TDRD6: variants seen among roughly 807,000 people sequenced by gnomAD.
The protein encoded by TDRD6 is tudor domain containing 6, also known as tudor domain-containing protein 6.
TDRD6 carries 186 observed loss-of-function variants against 157.5 expected under a neutral mutation model. That is an observed-to-expected ratio of 1.18 (90% confidence interval 1.05 to 1.33). The LOEUF (loss-of-function observed/expected upper bound fraction) is 1.33. Among genes scored for constraint, TDRD6 ranks in the 40% most tolerant of loss-of-function variants. TDRD6 has a pLI of 0.00. For synonymous variants in TDRD6, 1,075 were observed against 945.2 expected (o/e 1.14, Z -2.52); for missense variants, 3,066 against 2,508.0 (o/e 1.22, Z -4.75).
chr6:46,700,718 T>C (rs1473452264), intron 3 of TDRD6, among the ~76,000 whole-genome samples: 1 of 152,130 alleles, frequency 6.6e-6, no homozygotes, highest in Non-Finnish European at 1.5e-5. Context: ...CCTTCACCAA[T>C]TACCAGAGTT....
In TDRD6 at chr6:46,688,109, G is replaced by GGCCGC. The variant is rs1764156567; in HGVS notation, c.-10_-6dup. 3 of 1,474,144 alleles carry GGCCGC rather than the reference G, an allele frequency of 2.0e-6. No individual in the cohort carries two copies. The highest frequency in any genetic ancestry group is 1.3e-5 in the South Asian group (1 of 75,778). 91.3% of individuals were successfully genotyped at this position (1,474,144 alleles called of 1,614,324 possible). A position where few individuals can be genotyped will look rare whatever the true frequency, so the allele number is the denominator to read the frequency against. ...GCGGCCCTTAATTTCCGGAAGTGGGGGCCGCGCCGCGCCGTCAAGATGTGC... is the reference window on the plus strand; with the variant it reads ...GCGGCCCTTAATTTCCGGAAGTGGGGGCCGCGCCGCGCCGCGCCGTCAAGATGTGC... On this transcript the variant is annotated 5_prime_UTR_variant, in exon 1 of 4. Transcript: ENST00000316081.
chr6:46,687,884 C>A (rs540075518), upstream of TDRD6: 25 of 507,596 alleles, frequency 4.9e-5, no homozygotes, highest in African/African-American at 4.1e-4. Flanking sequence ...GAGGTAAATG[C>A]GTGCCCGGAA....
Position 46,693,177 on chromosome 6 carries a change from C to T in TDRD6, c.5049C>T (p.Asp1683=), listed in dbSNP as rs1764392863. Residue 1683 remains aspartate, a synonymous_variant, in exon 1 of 4, where the codon GAC becomes GAT. Transcript: ENST00000316081. Reference sequence around the variant, plus strand: ...GTGATATCCCTTTAGCAATTGTTGACTTGAAAAGCAAAGGTAAAAGTATTA... The same window carrying T: ...GTGATATCCCTTTAGCAATTGTTGATTTGAAAAGCAAAGGTAAAAGTATTA... ...DVCDIPLAIV[D]LKSKGKSINE... 1 of 1,608,560 alleles carries T rather than the reference C, an allele frequency of 6.2e-7. No homozygotes were observed. The highest frequency in any genetic ancestry group is 1.3e-5 in the African/African-American group (1 of 74,572).
At position 46,691,463 on chromosome 6, in the gene TDRD6, T is replaced by C; in HGVS notation, c.3335T>C (p.Val1112Ala). ...DIPDHIPEEV[V>A]VWFQETILDK... is the part of the protein sequence containing the mutation. Reference sequence around the variant, plus strand: ...CCTGATCATATACCAGAAGAAGTGGTGGTGTGGTTTCAGGAGACTATTTTA... The same window carrying C: ...CCTGATCATATACCAGAAGAAGTGGCGGTGTGGTTTCAGGAGACTATTTTA... Residue 1112 changes from valine (V) to alanine (A), a missense_variant, in exon 1 of 4, where the codon GTG becomes GCG. By Grantham distance (64) the Val-to-Ala change is moderately conservative. Transcript: ENST00000316081. The C allele has an allele frequency of 6.2e-7, 1 of 1,614,032 alleles. No individual in the cohort carries two copies. The highest frequency in any genetic ancestry group is 2.2e-5 in the East Asian group (1 of 44,856).
In TDRD6 at chr6:46,701,984, T is replaced by A. The variant is rs1427205119; in HGVS notation, c.*97T>A. ...AGAGTATTTGAGAAAATTGAAAACA[T>A]GTAACCACAAGAAGTTGTCATTTTC... is the stretch of plus-strand genomic sequence containing the variant. On this transcript the variant is annotated 3_prime_UTR_variant, in exon 4 of 4. Coordinates refer to ENST00000316081, the MANE Select transcript of TDRD6 (RefSeq NM_001010870.3). The A allele has an allele frequency of 1.0e-5, 14 of 1,406,416 alleles. No individual in the cohort carries two copies. The highest frequency in any genetic ancestry group is 1.4e-5 in the African/African-American group (1 of 69,324). The allele number at this position is 1,406,416 out of a possible 1,614,324, so 87.1% of individuals were successfully genotyped here.
At position 46,692,656 on chromosome 6, in the gene TDRD6, T is replaced by C. The variant is rs1764369085; in HGVS notation, c.4528T>C (p.Phe1510Leu). Residue 1510 changes from phenylalanine (F) to leucine (L), a missense_variant, in exon 1 of 4, where the codon TTT (phenylalanine) becomes CTT (leucine). Phe to Leu is a conservative substitution (Grantham distance 22, BLOSUM62 0). Transcript: ENST00000316081. ...VNKSDIDTSVFLNWYNPEKKM... is the reference protein window; with the variant it reads ...VNKSDIDTSVLLNWYNPEKKM... ...CAAATCAGACATTGACACTTCAGTA[T>C]TTCTTAACTGGTATAATCCAGAAAA... 6.2e-7 allele frequency: 1 copy of C among 1,613,460 alleles called. No homozygotes were observed. Among genetic ancestry groups the C allele is most frequent in the African/African-American group, 1.3e-5 (1 of 74,814 alleles).
In TDRD6 at chr6:46,693,833, A is replaced by G; in HGVS notation, c.5705A>G (p.Glu1902Gly). 6.2e-7 allele frequency: 1 copy of G among 1,614,224 alleles called. No homozygotes were observed. Among genetic ancestry groups the G allele is most frequent in the Non-Finnish European group, 8.5e-7 (1 of 1,180,036 alleles). The change falls in exon 1 of 4, where the codon GAG (glutamate) becomes GGG (glycine). Residue 1902 changes from glutamate (E) to glycine (G), a missense_variant. Transcript: ENST00000316081. ...CAGCTTCCTCTCAGCTGTGAAGCTGAGAAACAGCCAGAACTAGAACTACCT... is the reference window on the plus strand; with the variant it reads ...CAGCTTCCTCTCAGCTGTGAAGCTGGGAAACAGCCAGAACTAGAACTACCT... The part of the protein sequence containing the change: ...TLQLPLSCEA[E>G]KQPELELPTA...
At chr6:46,695,513 T>TA (rs1381832552) in intron 1 of TDRD6, among the ~76,000 whole-genome samples, 1 of 152,148 alleles carries the variant, frequency 6.6e-6, no homozygotes, top group Non-Finnish European at 1.5e-5. Context: ...GTTGTAAGTA[T>TA]AAAAAACACC....
Position 46,691,567 on chromosome 6 carries a change from C to A in TDRD6, c.3439C>A (p.Gln1147Lys). ...TATAGAACTATATGGTGACAATATT[C>A]AAATTAGTGCTAGTATTAATAAGAA... ...LIIELYGDNIQISASINKKLG... is the reference protein window; with the variant it reads ...LIIELYGDNIKISASINKKLG... The change falls in exon 1 of 4, where the codon CAA (glutamine) becomes AAA (lysine). Residue 1147 changes from glutamine (Q) to lysine (K), a missense_variant. By Grantham distance (53) the Gln-to-Lys change is moderately conservative. Transcript: ENST00000316081. The A allele has an allele frequency of 6.2e-7, 1 of 1,613,326 alleles. No homozygotes were observed. Among genetic ancestry groups the A allele is most frequent in the South Asian group, 1.1e-5 (1 of 90,996 alleles).
chr6:46,692,464 G>C lies in TDRD6; in HGVS notation c.4336G>C (p.Ala1446Pro). 1 of 1,613,886 alleles carries C rather than the reference G, an allele frequency of 6.2e-7. No homozygotes were observed. The highest frequency in any genetic ancestry group is 1.3e-5 in the African/African-American group (1 of 75,034). The stretch of plus-strand genomic sequence containing the variant: ...CTTTTCCCAACGGACCAGCGAGGCT[G>C]CAATAAGATGTGAATTTGTTAAATT... Reference protein sequence around the residue: ...HYFSQRTSEAAIRCEFVKFQD... With the variant: ...HYFSQRTSEAPIRCEFVKFQD... The change falls in exon 1 of 4, where the codon GCA becomes CCA. Residue 1446 changes from alanine to proline, a missense_variant. Ala to Pro is a conservative substitution (Grantham distance 27). Transcript: ENST00000316081.
At chr6:46,697,962 A>T in intron 2 of TDRD6, 36 bp from the exon 3 acceptor site, 1 of 1,292,416 alleles carries the variant, frequency 7.7e-7, no homozygotes. Context: ...ATTTTTTTGA[A>T]TTGGACACTT....
chr6:46,681,507 C>A, the TDRD6 span: 2 of 470,336 alleles, frequency 4.3e-6, no homozygotes, highest in African/African-American at 4.0e-5. Context: ...TCTTCTCTCC[C>A]CATACTTTAC....
intron 2 of TDRD6, 130 bp downstream of exon 2, chr6:46,696,075 T>G: frequency 1.1e-6 from 1 of 947,488 alleles, no homozygotes; most frequent in Non-Finnish European, 1.6e-6. Flanking sequence ...GATAACTTGA[T>G]GTAATGCACA....
intron 3 of TDRD6, among the ~76,000 whole-genome samples, chr6:46,701,233 T>C (rs1233405172): frequency 6.6e-6 from 1 of 152,176 alleles, no homozygotes; most frequent in Non-Finnish European, 1.5e-5. Context: ...CTTATGGAGA[T>C]AAATAACCCA....
rs1386436253 is a variant in TDRD6 at position 46,703,309 on chromosome 6, T to C, written c.*1422T>C. On this transcript the variant is annotated 3_prime_UTR_variant, in exon 4 of 4. Coordinates refer to ENST00000316081, the MANE Select transcript of TDRD6 (RefSeq NM_001010870.3). ...TCCGTAAGTAGAAGGGAGAGAGGTT[T>C]GCATTAAAAGTAATTGAGGTAGATG... 1.3e-5 allele frequency: 2 copies of C among 152,090 alleles called. No individual in the cohort carries two copies. Among genetic ancestry groups the C allele is most frequent in the Non-Finnish European group, 2.9e-5 (2 of 67,980 alleles). The allele number at this position is 152,090 out of a possible 1,614,324, so 9.4% of individuals were successfully genotyped here.
intron 2 of TDRD6, among the ~76,000 whole-genome samples, chr6:46,697,171 T>C (rs1295089989): frequency 6.6e-6 from 1 of 152,212 alleles, no homozygotes; most frequent in East Asian, 1.9e-4. Context: ...CTCTTACATA[T>C]ACCATCTGCT....
chr6:46,687,120 A>G (rs1209786411), upstream of TDRD6, among the ~76,000 whole-genome samples: 2 of 152,214 alleles, frequency 1.3e-5, no homozygotes, highest in African/African-American at 4.8e-5. Context: ...TCCATTCCAA[A>G]TGGAGGTTTG....
rs755747731 is a variant in TDRD6, at chr6:46,692,157, A to G, written c.4029A>G (p.Thr1343=). 2 of 1,614,058 alleles carry G rather than the reference A, an allele frequency of 1.2e-6. No individual in the cohort carries two copies. The highest frequency in any genetic ancestry group is 1.3e-5 in the African/African-American group (1 of 74,944). The part of the protein sequence containing the change: ...HLSERLNSVK[T]RPEYYVGPPL... ...CAGAGAGATTAAACAGTGTTAAAAC[A>G]AGGCCCGAATATTATGTAGGTCCAC... The change falls in exon 1 of 4, where the codon ACA becomes ACG. Residue 1343 remains threonine, a synonymous_variant. Transcript: ENST00000316081.
chr6:46,684,835 C>T (rs575840426), upstream of TDRD6, among the ~76,000 whole-genome samples: 2 of 152,170 alleles, frequency 1.3e-5, no homozygotes, highest in East Asian at 1.9e-4. Context: ...GGGATAAATG[C>T]CTAAATGCAA....
Sources: allele counts gnomAD v4.1 joint callset (sites outside exome capture counted in the v4.1 genomes callset), GRCh38; gene constraint gnomAD v4.1.1; transcripts MANE v1.5; gene names NCBI Gene and HGNC (gene_info 2026-07-23, HGNC 2026-07-21).